Variants in SEMA6A observed in about 807,000 individuals in gnomAD.
SEMA6A encodes the protein semaphorin 6A.
SEMA6A carries 25 observed loss-of-function variants against 96.8 expected under a neutral mutation model. That is an observed-to-expected ratio of 0.26 (90% confidence interval 0.19 to 0.36). SEMA6A has a LOEUF of 0.36. Ranked by LOEUF, SEMA6A falls within the 10% of genes least tolerant of loss-of-function variation. SEMA6A has a pLI of 1.00. For missense variants in SEMA6A, 1,363 were observed against 1,323.1 expected (o/e 1.03, Z -0.47); for synonymous variants, 612 against 518.0 (o/e 1.18, Z -2.46).
At position 116,488,970 on chromosome 5, in the gene SEMA6A, A is replaced by G; in HGVS notation, c.573T>C (p.Leu191=). The stretch of plus-strand genomic sequence containing the variant: ...TCCGGTAAATGACTGCGTCAATGGC[A>G]AGGAAGTCAGTCACTGTGGCTGAGT... ...KLYSATVTDF[L]AIDAVIYRSL... Residue 191 remains leucine, a synonymous_variant, in exon 8 of 19, where the codon CTT becomes CTC. Transcript: ENST00000343348. 8.8e-6 allele frequency: 14 copies of G among 1,583,340 alleles called. No homozygotes were observed. The highest frequency in any genetic ancestry group is 1.2e-5 in the Non-Finnish European group (14 of 1,163,418).
chr5:116,478,310 A>G, intron 13 of SEMA6A, 156 bp from the exon 14 acceptor site: 1 of 832,676 alleles, frequency 1.2e-6, no homozygotes. Context: ...GTAAACACAC[A>G]CATGTATATG....
intron 1 of SEMA6A, among the ~76,000 whole-genome samples, chr5:116,553,829 G>C (rs1365985693): frequency 6.6e-6 from 1 of 152,092 alleles, no homozygotes; most frequent in Non-Finnish European, 1.5e-5. Context: ...ATAGTACCAT[G>C]ATAAGATAGC....
chr5:116,535,529 CCA>C (rs1269109168), intron 1 of SEMA6A, among the ~76,000 whole-genome samples: 1 of 152,154 alleles, frequency 6.6e-6, no homozygotes, highest in African/African-American at 2.4e-5. Context: ...CAAGGTAATA[CCA>C]CAGTTATGCT....
At chr5:116,491,548 T>C (rs989096768) in intron 7 of SEMA6A, among the ~76,000 whole-genome samples, 192 bp downstream of exon 7, 2 of 152,000 alleles carry the variant, frequency 1.3e-5, no homozygotes, top group African/African-American at 2.4e-5. Context: ...CACAAACACA[T>C]GGGTAAGTGA....
chr5:116,538,017 T>A (rs1454874231), intron 1 of SEMA6A, among the ~76,000 whole-genome samples: 8 of 152,014 alleles, frequency 5.3e-5, no homozygotes, highest in Admixed American at 5.2e-4. Flanking sequence ...TCTACTAAAA[T>A]ACAAAAAATT....
At chr5:116,448,874 C>T (rs1424525312) in intron 18 of SEMA6A, among the ~76,000 whole-genome samples, 1 of 151,922 alleles carries the variant, frequency 6.6e-6, no homozygotes, top group Non-Finnish European at 1.5e-5. Flanking sequence ...ATTTGGGGCC[C>T]TGTAGTGGGT....
intron 11 of SEMA6A, among the ~76,000 whole-genome samples, chr5:116,481,929 A>G (rs1209712146): frequency 3.3e-5 from 5 of 152,190 alleles, no homozygotes; most frequent in Non-Finnish European, 5.9e-5. Context: ...GACCAGAGAC[A>G]TCTTAATGGT....
At chr5:116,566,474 G>A (rs1467932731) in intron 1 of SEMA6A, among the ~76,000 whole-genome samples, 1 of 152,116 alleles carries the variant, frequency 6.6e-6, no homozygotes, top group Non-Finnish European at 1.5e-5. Flanking sequence ...CTGAAACTTC[G>A]GTCCTTGCAG....
At chr5:116,521,250 G>T (rs1445003826) in intron 1 of SEMA6A, among the ~76,000 whole-genome samples, 1 of 152,172 alleles carries the variant, frequency 6.6e-6, no homozygotes, top group Non-Finnish European at 1.5e-5. Flanking sequence ...TGGCCTTCCT[G>T]GGACTGTCAA....
At chr5:116,509,465 T>A (rs1007943436) in intron 1 of SEMA6A, among the ~76,000 whole-genome samples, 1 of 152,150 alleles carries the variant, frequency 6.6e-6, no homozygotes, top group African/African-American at 2.4e-5. Context: ...TTGGGCAAGT[T>A]AGTCAGCCTC....
chr5:116,512,259 A>G (rs1338263167), intron 1 of SEMA6A, among the ~76,000 whole-genome samples: 1 of 152,170 alleles, frequency 6.6e-6, no homozygotes, highest in Non-Finnish European at 1.5e-5. Context: ...GTTTGCAGGA[A>G]CCACGAGGGC....
intron 1 of SEMA6A, among the ~76,000 whole-genome samples, chr5:116,530,519 A>C (rs1202053999): frequency 6.6e-6 from 1 of 152,194 alleles, no homozygotes; most frequent in Non-Finnish European, 1.5e-5. Context: ...GAAATCTGGC[A>C]TCCCAGATGT....
chr5:116,559,587 G>A (rs1333734487), intron 1 of SEMA6A, among the ~76,000 whole-genome samples: 2 of 152,110 alleles, frequency 1.3e-5, no homozygotes, highest in Admixed American at 6.5e-5. Flanking sequence ...CTCGGGGTTC[G>A]GACCAATACA....
intron 1 of SEMA6A, among the ~76,000 whole-genome samples, chr5:116,544,567 G>A (rs757069378): frequency 6.6e-6 from 1 of 151,994 alleles, no homozygotes; most frequent in African/African-American, 2.4e-5. Context: ...CCAAAGTGCT[G>A]GGATTACAGG....
chr5:116,568,646 C>T (rs1366674859), intron 1 of SEMA6A, among the ~76,000 whole-genome samples: 4 of 152,204 alleles, frequency 2.6e-5, no homozygotes, highest in African/African-American at 9.6e-5. Context: ...CTAACTCAGA[C>T]TCCCTCCAGC....
intron 1 of SEMA6A, among the ~76,000 whole-genome samples, chr5:116,508,606 C>G (rs903315742): frequency 6.6e-6 from 1 of 152,100 alleles, no homozygotes; most frequent in African/African-American, 2.4e-5. Context: ...GAAGCTGACT[C>G]AGAGAGAAGA....
Position 116,504,879 on chromosome 5 carries a change from T to C in SEMA6A, c.66A>G (p.Glu22=). Residue 22 remains glutamate, a synonymous_variant, in exon 2 of 19, where the codon GAA becomes GAG. Transcript: ENST00000343348. ...GCGAAATACTGATTGGCTCAGAATC[T>C]TCTGGGAAACCAGCCCCAGCAAAGT... is the stretch of plus-strand genomic sequence containing the variant. ...LLHFAGAGFP[E]DSEPISISHG... is the part of the protein sequence containing the mutation. 3 of 1,603,746 alleles carry C rather than the reference T, an allele frequency of 1.9e-6. No homozygotes were observed. The highest frequency in any genetic ancestry group is 2.6e-6 in the Non-Finnish European group (3 of 1,175,014).
At chr5:116,570,522 A>G (rs1761171024) in intron 1 of SEMA6A, among the ~76,000 whole-genome samples, 1 of 152,246 alleles carries the variant, frequency 6.6e-6, no homozygotes, top group African/African-American at 2.4e-5. Context: ...GGAGAGGGGC[A>G]GTGCAGAGAT....
chr5:116,524,166 G>A (rs565064915), intron 1 of SEMA6A, among the ~76,000 whole-genome samples: 1 of 152,242 alleles, frequency 6.6e-6, no homozygotes, highest in Admixed American at 6.5e-5. Context: ...TTTATGACAA[G>A]GTTGAAATAA....
Sources: gnomAD v4.1 joint callset for allele counts (sites outside exome capture counted in the v4.1 genomes callset) on GRCh38, gnomAD v4.1.1 for gene constraint, MANE v1.5 for transcripts, NCBI Gene and HGNC (gene_info 2026-07-23, HGNC 2026-07-21) for gene names.